The following CEACAM7 variants were observed in gnomAD, a reference collection of about 807,000 sequenced individuals.
CEACAM7 encodes CEA cell adhesion molecule 7, also known as cell adhesion molecule CEACAM7.
In CEACAM7, 24 loss-of-function variants were observed where a neutral mutation model predicts 25.7. The observed-to-expected ratio is 0.93, with a 90% CI of 0.68 to 1.31. The LOEUF (loss-of-function observed/expected upper bound fraction) is 1.31. CEACAM7 is among the 40% of genes most tolerant of loss of function. CEACAM7 has a pLI of 0.00. For missense variants in CEACAM7, 324 were observed against 330.1 expected (o/e 0.98, Z 0.14); for synonymous variants, 144 against 129.4 (o/e 1.11, Z -0.77).
intron 2 of CEACAM7, among the ~76,000 whole-genome samples, chr19:41,684,674 A>G (rs1219250769): frequency 1.3e-5 from 2 of 152,216 alleles, no homozygotes; most frequent in Non-Finnish European, 2.9e-5. Flanking sequence ...AGCAGAGTCC[A>G]GAAGAAGATA....
At chr19:41,682,057 C>T (rs571941955) in intron 3 of CEACAM7, among the ~76,000 whole-genome samples, 1 of 152,240 alleles carries the variant, frequency 6.6e-6, no homozygotes, top group African/African-American at 2.4e-5. Context: ...GTGGTCCTCC[C>T]GCCTCAGCCC....
chr19:41,681,060 T>G (rs1004497673), intron 3 of CEACAM7, among the ~76,000 whole-genome samples: 1 of 152,106 alleles, frequency 6.6e-6, no homozygotes, highest in Non-Finnish European at 1.5e-5. Flanking sequence ...AAAGAACTAA[T>G]ATAACTCAAC....
At chr19:41,683,303 G>C (rs2072193416) in intron 3 of CEACAM7, among the ~76,000 whole-genome samples, 1 of 152,136 alleles carries the variant, frequency 6.6e-6, no homozygotes, top group African/African-American at 2.4e-5. Context: ...ATACGGAGAG[G>C]GTGGGTTAGA....
At chr19:41,681,239 G>A (rs1320955074) in intron 3 of CEACAM7, among the ~76,000 whole-genome samples, 3 of 152,110 alleles carry the variant, frequency 2.0e-5, no homozygotes, top group African/African-American at 7.2e-5. Context: ...ACACATGTTA[G>A]GATGGCTTTG....
intron 3 of CEACAM7, among the ~76,000 whole-genome samples, chr19:41,678,657 G>A (rs2072141664): frequency 6.6e-6 from 1 of 152,166 alleles, no homozygotes; most frequent in African/African-American, 2.4e-5. Context: ...ATGTCATACA[G>A]CTAGTGACAG....
At chr19:41,679,801 C>CTCTCTT (rs35780292) in intron 3 of CEACAM7, among the ~76,000 whole-genome samples, 7 of 111,926 alleles carry the variant, frequency 6.3e-5, no homozygotes, top group African/African-American at 2.5e-4. Flanking sequence ...CTCTCTCTCT[C>CTCTCTT]TTTTTTTTTT....
chr19:41,675,176 T>C (rs2122711513), intron 4 of CEACAM7, among the ~76,000 whole-genome samples: 1 of 152,340 alleles, frequency 6.6e-6, no homozygotes, highest in African/African-American at 2.4e-5. Flanking sequence ...ATGTATCCTG[T>C]TATAAACAGA....
chr19:41,675,659 T>G (rs1353641400), intron 4 of CEACAM7, among the ~76,000 whole-genome samples: 1 of 152,168 alleles, frequency 6.6e-6, no homozygotes, highest in Non-Finnish European at 1.5e-5. Flanking sequence ...CCAAGTGCTT[T>G]TAGAGAAGAA....
chr19:41,676,723 A>G (rs1381729444), intron 4 of CEACAM7, among the ~76,000 whole-genome samples: 2 of 152,178 alleles, frequency 1.3e-5, no homozygotes, highest in African/African-American at 4.8e-5. Flanking sequence ...GTTGCTTGTG[A>G]TGAAGGGTGT....
intron 3 of CEACAM7, among the ~76,000 whole-genome samples, chr19:41,678,655 C>T (rs1226925873): frequency 1.3e-5 from 2 of 152,162 alleles, no homozygotes; most frequent in Non-Finnish European, 2.9e-5. Flanking sequence ...CAATGTCATA[C>T]AGCTAGTGAC....
At chr19:41,687,625 G>A (rs553833138) in intron 1 of CEACAM7, among the ~76,000 whole-genome samples, 18 of 152,262 alleles carry the variant, frequency 1.2e-4, no homozygotes, top group African/African-American at 2.4e-4. Context: ...GTCTTCTGCC[G>A]CATGAGAGCG....
chr19:41,679,698 C>T (rs1292037358), intron 3 of CEACAM7, among the ~76,000 whole-genome samples: 3 of 151,962 alleles, frequency 2.0e-5, no homozygotes, highest in East Asian at 3.9e-4. Context: ...AACTAATAAA[C>T]AGATTCAGTA....
chr19:41,674,821 C>T (rs2072097900), intron 4 of CEACAM7, 82 bp from the exon 5 acceptor site: 1 of 157,216 alleles, frequency 6.4e-6, no homozygotes, highest in South Asian at 1.9e-4. Context: ...TTCCTCTGAA[C>T]ATAATTTTTC....
intron 3 of CEACAM7, among the ~76,000 whole-genome samples, chr19:41,682,806 A>G (rs2072188215): frequency 6.6e-6 from 1 of 152,226 alleles, no homozygotes; most frequent in African/African-American, 2.4e-5. Context: ...AAGAACACAA[A>G]GAGGTGACAA....
chr19:41,687,196 C>T lies in CEACAM7; in HGVS notation c.90G>A (p.Leu30=), dbSNP rs1555811325. 1.2e-6 allele frequency: 2 copies of T among 1,608,480 alleles called. No homozygotes were observed. Among genetic ancestry groups the T allele is most frequent in the African/African-American group, 1.3e-5 (1 of 74,644 alleles). The part of the protein sequence containing the change: ...LTASLLTFWN[L]PNSAQTNIDV... ...CAATATTGGTCTGGGCACTGTTTGG[C>T]AGGTTCCAGAAGGTTAAAAGCGAGG... The change falls in exon 2 of 5, where the codon CTG becomes CTA. Residue 30 remains leucine, a synonymous_variant. Transcript: ENST00000401731.
chr19:41,678,022 A>C (rs2072133061), intron 3 of CEACAM7, among the ~76,000 whole-genome samples: 1 of 152,168 alleles, frequency 6.6e-6, no homozygotes, highest in Non-Finnish European at 1.5e-5. Context: ...TTCGAACTGC[A>C]CTGCAATCTA....
At chr19:41,677,206 T>A (rs946938801) in intron 4 of CEACAM7, among the ~76,000 whole-genome samples, 170 bp downstream of exon 4, 2 of 152,254 alleles carry the variant, frequency 1.3e-5, no homozygotes, top group Admixed American at 1.3e-4. Flanking sequence ...ACAGGAAGCA[T>A]GAAGACCAGG....
intron 2 of CEACAM7, 119 bp from the exon 3 acceptor site, chr19:41,684,182 A>T: frequency 9.4e-7 from 1 of 1,064,084 alleles, no homozygotes. Context: ...TTAAAAGCCC[A>T]CAGAAGGTGT....
Position 41,675,786 on chromosome 19 carries a change from A to G in CEACAM7, c.*37-1047T>C, listed in dbSNP as rs1214411000. 2.0e-5 allele frequency among the ~76,000 whole-genome samples: 3 copies of G among 152,252 alleles called. No homozygotes were observed. The East Asian group carries it at 5.8e-4, about 29-fold the overall frequency. On this transcript the variant is annotated intron_variant, in intron 4 of 4. Transcript: ENST00000401731. ...ACACCACTCACAAACAAATTTGGTT[A>G]TTTCTGTGGCATGTAACACTATGAC...
Sources: gnomAD v4.1 joint callset for allele counts (sites outside exome capture counted in the v4.1 genomes callset) on GRCh38, gnomAD v4.1.1 for gene constraint, MANE v1.5 for transcripts, NCBI Gene and HGNC (gene_info 2026-07-23, HGNC 2026-07-21) for gene names.